The following PKHD1 variants were observed in gnomAD, a reference collection of about 807,000 sequenced individuals.
PKHD1 encodes fibrocystin.
PKHD1 carries 291 observed loss-of-function variants against 412.0 expected under a neutral mutation model. The observed-to-expected ratio is 0.71, with a 90% confidence interval of 0.64 to 0.78. The LOEUF (loss-of-function observed/expected upper bound fraction) is 0.78, where lower values mean the gene tolerates loss of function less well. Among genes scored for constraint, PKHD1 ranks in the 30% least tolerant of loss-of-function variants. The pLI is 0.00. For missense variants in PKHD1, 4,825 were observed against 4,950.7 expected (o/e 0.97, Z 0.76); for synonymous variants, 1,777 against 1,821.5 (o/e 0.98, Z 0.62).
chr6:51,716,784 A>C (rs1781315382), intron 60 of PKHD1, among the ~76,000 whole-genome samples: 1 of 152,122 alleles, frequency 6.6e-6, no homozygotes, highest in South Asian at 2.1e-4. Context: ...TTGTCACCTG[A>C]GATGACTAAA....
Position 52,083,258 on chromosome 6 carries a change from G to A in PKHD1, c.53-3C>T, listed in dbSNP as rs1021843705. On this transcript the variant is annotated splice_polypyrimidine_tract_variant and splice_region_variant and intron_variant, in intron 2 of 66. Transcript: ENST00000371117. ...AATATGTAAACTCAGGTGACGTACT[G>A]TAAGTAAGTGAAAAAAAACATTGGT... is the stretch of plus-strand genomic sequence containing the variant. The A allele has an allele frequency of 1.3e-6, 2 of 1,587,916 alleles. No individual in the cohort carries two copies. Among genetic ancestry groups the A allele is most frequent in the Non-Finnish European group, 1.7e-6 (2 of 1,156,088 alleles).
chr6:51,750,904 G>C (rs1582457035), intron 57 of PKHD1, among the ~76,000 whole-genome samples: 4 of 152,118 alleles, frequency 2.6e-5, no homozygotes, highest in Admixed American at 2.6e-4. Flanking sequence ...AGCCTCCCAA[G>C]TAGCTGGGAC....
chr6:51,796,773 G>A (rs2397065), intron 52 of PKHD1, among the ~76,000 whole-genome samples: 88,974 of 150,764 alleles, frequency 0.59, 26,927 homozygotes, highest in East Asian at 0.83. Context: ...TCATTCAGGA[G>A]GAGAAGGTTG....
In PKHD1 at chr6:51,677,754, A is replaced by T. The variant is rs147534239; in HGVS notation, c.10157-17785T>A. Among the ~76,000 whole-genome samples, 24 of 152,304 alleles carry T rather than the reference A, an allele frequency of 1.6e-4. No homozygotes were observed. The East Asian group carries it at 4.1e-3, about 26-fold the overall frequency. ...ATAAAAGTTGTTGCATTGATAAAAAAGATCAAGAGATGAAAGTTAAGTGAT... is the reference window on the plus strand; with the variant it reads ...ATAAAAGTTGTTGCATTGATAAAAATGATCAAGAGATGAAAGTTAAGTGAT... On this transcript the variant is annotated intron_variant, in intron 60 of 66. Transcript: ENST00000371117.
intron 50 of PKHD1, among the ~76,000 whole-genome samples, chr6:51,846,030 T>A (rs1771081481): frequency 6.6e-6 from 1 of 152,248 alleles, no homozygotes. Flanking sequence ...CTATTTACTC[T>A]TATTTATGGC....
At chr6:51,720,343 G>A (rs955025508) in intron 60 of PKHD1, among the ~76,000 whole-genome samples, 1 of 152,064 alleles carries the variant, frequency 6.6e-6, no homozygotes, top group South Asian at 2.1e-4. Context: ...TGTCCCACAG[G>A]GCTCCTCAGG....
intron 37 of PKHD1, among the ~76,000 whole-genome samples, chr6:51,915,637 C>G (rs1440010233): frequency 6.6e-6 from 1 of 151,948 alleles, no homozygotes; most frequent in African/African-American, 2.4e-5. Context: ...CATCATGGGA[C>G]ACAGTACACT....
intron 47 of PKHD1, among the ~76,000 whole-genome samples, chr6:51,869,808 T>G (rs1344546516): frequency 6.6e-6 from 1 of 152,202 alleles, no homozygotes; most frequent in East Asian, 1.9e-4. Context: ...AGTGGAGACT[T>G]GTTGATTATT....
intron 35 of PKHD1, among the ~76,000 whole-genome samples, chr6:51,976,629 T>C (rs1471309081): frequency 2.6e-5 from 4 of 152,200 alleles, no homozygotes; most frequent in Admixed American, 1.3e-4. Flanking sequence ...TGGTAAATTT[T>C]ATGTTGCGCA....
chr6:51,991,904 A>C (rs887746440), intron 35 of PKHD1, among the ~76,000 whole-genome samples: 3 of 152,244 alleles, frequency 2.0e-5, no homozygotes, highest in Admixed American at 1.3e-4. Flanking sequence ...ATATTCCTAT[A>C]CTTCTACACC....
rs1783097634 is a variant in PKHD1, at chr6:51,912,405, G to A, written c.6293C>T (p.Thr2098Ile). ...KPMEEIVTVE[T>I]VQDTDLYLKS... The stretch of plus-strand genomic sequence containing the variant: ...AAGATAGAGGTCTGTATCCTGCACA[G>A]TTTCCACAGTGACAATCTCTTCCAT... The change falls in exon 38 of 67, where the codon ACT becomes ATT. Residue 2098 changes from threonine (T) to isoleucine (I), a missense_variant. Coordinates refer to ENST00000371117, the MANE Select transcript of PKHD1 (RefSeq NM_138694.4). The A allele has an allele frequency of 6.2e-7, 1 of 1,612,968 alleles. No homozygotes were observed. Among genetic ancestry groups the A allele is most frequent in the East Asian group, 2.2e-5 (1 of 44,852 alleles).
chr6:51,855,812 CT>C (rs1435710845), intron 49 of PKHD1, 80 bp downstream of exon 49: 1 of 1,119,416 alleles, frequency 8.9e-7, no homozygotes, highest in Admixed American at 1.7e-5. Flanking sequence ...ACCTGCTCCT[CT>C]TTCAACCCAT....
chr6:51,902,387 T>C (rs1258342124), intron 43 of PKHD1, among the ~76,000 whole-genome samples: 1 of 152,168 alleles, frequency 6.6e-6, no homozygotes, highest in Non-Finnish European at 1.5e-5. Context: ...GTCCTGGATC[T>C]GGGATCTGGG....
chr6:51,859,594 A>AT (rs1321511919), intron 48 of PKHD1, among the ~76,000 whole-genome samples: 20 of 151,778 alleles, frequency 1.3e-4, no homozygotes, highest in Non-Finnish European at 2.6e-4. Flanking sequence ...TTCCAGAAAT[A>AT]TTTTTTAATT....
At chr6:51,714,640 A>G (rs1781042356) in intron 60 of PKHD1, among the ~76,000 whole-genome samples, 2 of 152,218 alleles carry the variant, frequency 1.3e-5, no homozygotes, top group Non-Finnish European at 2.9e-5. Flanking sequence ...CATTAGTCCT[A>G]TTTCACATGC....
intron 52 of PKHD1, among the ~76,000 whole-genome samples, chr6:51,820,487 T>C (rs887932202): frequency 1.3e-5 from 2 of 152,224 alleles, no homozygotes; most frequent in African/African-American, 4.8e-5. Context: ...CAGTGCTAGG[T>C]ACTGTTACTC....
chr6:52,038,439 G>A (rs1804295092), intron 27 of PKHD1, among the ~76,000 whole-genome samples: 2 of 152,062 alleles, frequency 1.3e-5, no homozygotes, highest in East Asian at 3.9e-4. Context: ...CAAGACACAG[G>A]GAGGATACCA....
At chr6:51,879,027 G>A (rs1158017079) in intron 46 of PKHD1, among the ~76,000 whole-genome samples, 1 of 90,012 alleles carries the variant, frequency 1.1e-5, no homozygotes, top group Non-Finnish European at 2.0e-5. Context: ...GCTTCAAAGA[G>A]AATAAAATAC....
chr6:52,056,752 A>C lies in PKHD1; in HGVS notation c.1639T>G (p.Cys547Gly). ...TTIEELLAVK[C>G]KLEPLWSNIL... ...TTAGACCAAAGGGGTTCCAGTTTGCATTTTACTGCAAGTAACTCCTCAATG... is the reference window on the plus strand; with the variant it reads ...TTAGACCAAAGGGGTTCCAGTTTGCCTTTTACTGCAAGTAACTCCTCAATG... The change falls in exon 18 of 67, where the codon TGC (cysteine) becomes GGC (glycine). Residue 547 changes from cysteine (C) to glycine (G), a missense_variant. Cys to Gly is a radical substitution (Grantham distance 159). Transcript: ENST00000371117. 6.2e-7 allele frequency: 1 copy of C among 1,613,838 alleles called. No homozygotes were observed. The highest frequency in any genetic ancestry group is 8.5e-7 in the Non-Finnish European group (1 of 1,179,748).
Sources: allele counts gnomAD v4.1 joint callset (sites outside exome capture counted in the v4.1 genomes callset), GRCh38; gene constraint gnomAD v4.1.1; transcripts MANE v1.5; gene names NCBI Gene and HGNC (gene_info 2026-07-23, HGNC 2026-07-21).